KCNN3: variants seen among roughly 807,000 people sequenced by gnomAD.
KCNN3 encodes potassium calcium-activated channel subfamily N member 3, also known as small conductance calcium-activated potassium channel protein 3.
Under a neutral mutation model 62.9 loss-of-function variants are expected in KCNN3, and 16 were observed. That is an observed-to-expected ratio of 0.25 (90% CI 0.17 to 0.39). The LOEUF (loss-of-function observed/expected upper bound fraction) is 0.39. Ranked by LOEUF, KCNN3 falls within the 10% of genes least tolerant of loss-of-function variation. The probability of loss-of-function intolerance (pLI) is 1.00; values close to 1 mark genes in which losing one functional copy is unlikely to be tolerated. For synonymous variants in KCNN3, 370 were observed against 389.2 expected (o/e 0.95, Z 0.58); for missense variants, 599 against 949.4 (o/e 0.63, Z 4.85).
intron 4 of KCNN3, among the ~76,000 whole-genome samples, chr1:154,731,723 G>T (rs1700596767): frequency 6.6e-6 from 1 of 152,094 alleles, no homozygotes; most frequent in Non-Finnish European, 1.5e-5. Flanking sequence ...TTTTCACAAA[G>T]GTGTGAGGGG....
At chr1:154,773,753 G>T (rs950796414) in intron 2 of KCNN3, among the ~76,000 whole-genome samples, 2 of 152,214 alleles carry the variant, frequency 1.3e-5, no homozygotes, top group Non-Finnish European at 2.9e-5. Context: ...TGGTGAGAAA[G>T]ATCAACTCAT....
At chr1:154,714,182 G>GTGT (rs1700149030) in intron 6 of KCNN3, among the ~76,000 whole-genome samples, 1 of 12,346 alleles carries the variant, frequency 8.1e-5, no homozygotes, top group African/African-American at 2.1e-4. Flanking sequence ...TGTGGTGTGT[G>GTGT]GTGTGTGTGT....
At chr1:154,864,295 C>T (rs893250416) in intron 1 of KCNN3, among the ~76,000 whole-genome samples, 6 of 152,230 alleles carry the variant, frequency 3.9e-5, no homozygotes, top group Non-Finnish European at 8.8e-5. Context: ...TCAAAAATAC[C>T]AGGACACTGT....
chr1:154,795,448 G>A (rs917634034), intron 2 of KCNN3, among the ~76,000 whole-genome samples: 1 of 152,178 alleles, frequency 6.6e-6, no homozygotes, highest in African/African-American at 2.4e-5. Context: ...CTTCTCTGAA[G>A]GTTCCAGGAC....
intron 1 of KCNN3, among the ~76,000 whole-genome samples, chr1:154,858,030 A>G (rs963689084): frequency 6.6e-6 from 1 of 152,064 alleles, no homozygotes; most frequent in African/African-American, 2.4e-5. Context: ...TCCATCCTAG[A>G]CTTGCTCTCA....
At chr1:154,798,340 C>T (rs1649814597) in intron 2 of KCNN3, among the ~76,000 whole-genome samples, 1 of 152,234 alleles carries the variant, frequency 6.6e-6, no homozygotes, top group Non-Finnish European at 1.5e-5. Flanking sequence ...CTCCATAGCT[C>T]AGGAACATCA....
At chr1:154,780,944 G>A (rs1343637159) in intron 2 of KCNN3, among the ~76,000 whole-genome samples, 3 of 152,186 alleles carry the variant, frequency 2.0e-5, no homozygotes, top group Admixed American at 1.3e-4. Flanking sequence ...AAGATGCTTA[G>A]GGCGTTGGGG....
chr1:154,744,778 T>C (rs1055090851), intron 3 of KCNN3, among the ~76,000 whole-genome samples: 1 of 152,198 alleles, frequency 6.6e-6, no homozygotes, highest in African/African-American at 2.4e-5. Context: ...AAGGGTATTA[T>C]GAGTTCCTTT....
intron 3 of KCNN3, among the ~76,000 whole-genome samples, chr1:154,748,985 C>G (rs1043311409): frequency 1.3e-5 from 2 of 152,094 alleles, no homozygotes; most frequent in African/African-American, 2.4e-5. Context: ...CTGTCTTTGA[C>G]CATATTGCAC....
At position 154,862,419 on chromosome 1, in the gene KCNN3, C is replaced by T. The variant is rs1652804003; in HGVS notation, c.933+6613G>A. ...GCCAGTGCTGGAGGAGAAAGGCAGC[C>T]TAAGAGAAGAGCAAGGTGGAGGTGA... On this transcript the variant is annotated intron_variant, in intron 1 of 7. Coordinates refer to ENST00000271915, the MANE Select transcript of KCNN3 (RefSeq NM_002249.6). This position sits in a 1 kb window ranked among gnomAD's most constrained non-coding sequence, Gnocchi z 4.1. Among the ~76,000 whole-genome samples, 1 of 152,172 alleles carries T rather than the reference C, an allele frequency of 6.6e-6. No homozygotes were observed. Among genetic ancestry groups the T allele is most frequent in the South Asian group, 2.1e-4 (1 of 4,832 alleles).
chr1:154,801,269 G>A (rs577013892), intron 2 of KCNN3, among the ~76,000 whole-genome samples: 3 of 152,284 alleles, frequency 2.0e-5, no homozygotes, highest in South Asian at 4.2e-4. Context: ...TTTGCATTCT[G>A]AAATGAAGCA....
intron 5 of KCNN3, among the ~76,000 whole-genome samples, chr1:154,715,879 A>C (rs924459457): frequency 1.3e-5 from 2 of 152,182 alleles, no homozygotes; most frequent in African/African-American, 4.8e-5. Context: ...CTTTGAGAAA[A>C]TGTCTTTCCC....
At chr1:154,859,685 G>A in intron 1 of KCNN3, 1 of 1,614,032 alleles carries the variant, frequency 6.2e-7, no homozygotes, top group Non-Finnish European at 8.5e-7. Flanking sequence ...AACCTGGGCA[G>A]GGCACCCACC....
intron 7 of KCNN3, among the ~76,000 whole-genome samples, chr1:154,709,002 A>C (rs1378165465): frequency 6.6e-6 from 1 of 152,052 alleles, no homozygotes; most frequent in East Asian, 1.9e-4. Context: ...ACTGTATCAC[A>C]GTTCAAACCC....
chr1:154,768,554 T>C (rs1200317858), intron 3 of KCNN3, among the ~76,000 whole-genome samples: 4 of 152,188 alleles, frequency 2.6e-5, no homozygotes, highest in Admixed American at 2.6e-4. Context: ...TCAGGGACCC[T>C]GGAGCCTGGC....
intron 1 of KCNN3, among the ~76,000 whole-genome samples, chr1:154,855,583 ACAGCCTCGTGTG>A (rs1652488445): frequency 6.6e-6 from 1 of 152,196 alleles, no homozygotes; most frequent in Non-Finnish European, 1.5e-5. Flanking sequence ...GCTACACCAT[ACAGCCTCGTGTG>A]CAGAAGGCCA....
At position 154,870,059 on chromosome 1, in the gene KCNN3, TC is replaced by T; in HGVS notation, c.-96del. The T allele has an allele frequency of 7.2e-7, 1 of 1,391,802 alleles. No homozygotes were observed. Among genetic ancestry groups the T allele is most frequent in the Non-Finnish European group, 1.0e-6 (1 of 1,001,460 alleles). 86.2% of individuals were successfully genotyped at this position (1,391,802 alleles called of 1,614,324 possible). A position where few individuals can be genotyped will look rare whatever the true frequency, so the allele number is the denominator to read the frequency against. ...CTCAAAGAAAGCCAGGCATCCAATCTCCCCCACCAGTATCTTGGCTCCAGTC... is the reference window on the plus strand; with the variant it reads ...CTCAAAGAAAGCCAGGCATCCAATCTCCCCACCAGTATCTTGGCTCCAGTC... On this transcript the variant is annotated 5_prime_UTR_variant, in exon 1 of 8. Coordinates refer to ENST00000271915, the MANE Select transcript of KCNN3 (RefSeq NM_002249.6).
chr1:154,841,744 A>G (rs192121928), intron 1 of KCNN3, among the ~76,000 whole-genome samples: 2 of 152,310 alleles, frequency 1.3e-5, no homozygotes, highest in African/African-American at 4.8e-5. Context: ...ACCTGCAGAC[A>G]TCTTTGCTTG....
At chr1:154,714,124 G>GTGTGT in intron 6 of KCNN3, among the ~76,000 whole-genome samples, 1 of 139,790 alleles carries the variant, frequency 7.2e-6, no homozygotes, top group East Asian at 2.1e-4. Flanking sequence ...TGGTGTGTGT[G>GTGTGT]GGTTGTGTGT....
Sources: allele counts gnomAD v4.1 joint callset (sites outside exome capture counted in the v4.1 genomes callset), GRCh38; gene constraint gnomAD v4.1.1; non-coding constraint Gnocchi (gnomAD v3.1); transcripts MANE v1.5; gene names NCBI Gene and HGNC (gene_info 2026-07-23, HGNC 2026-07-21).